The following NPIPB11 variants were observed in gnomAD, a reference collection of about 807,000 sequenced individuals.
NPIPB11 encodes nuclear pore complex interacting protein family member B11.
A neutral mutation model predicts 32.8 loss-of-function variants in NPIPB11; 17 were observed. That is an observed-to-expected ratio of 0.52 (90% confidence interval 0.35 to 0.78). The LOEUF (loss-of-function observed/expected upper bound fraction) is 0.78, where lower values mean the gene tolerates loss of function less well. Among genes scored for constraint, NPIPB11 ranks in the 30% least tolerant of loss-of-function variants. NPIPB11 has a pLI of 0.01. For missense variants in NPIPB11, 537 were observed against 1,000.4 expected (o/e 0.54, Z 6.25); for synonymous variants, 209 against 398.4 (o/e 0.52, Z 5.66).
intron 2 of NPIPB11, among the ~76,000 whole-genome samples, chr16:29,402,722 C>CTGTGTGTGTGTGTGTGTGTG (rs1245633106): frequency 8.8e-6 from 1 of 113,752 alleles, no homozygotes; most frequent in African/African-American, 3.4e-5. Context: ...CTCTCTCTCT[C>CTGTGTGTGTGTGTGTGTGTG]TCTGTGTGTG....
chr16:29,390,204 G>T (rs1164271136), intron 4 of NPIPB11, 45 bp downstream of exon 4: 1 of 1,577,854 alleles, frequency 6.3e-7, no homozygotes, highest in African/African-American at 1.4e-5. Flanking sequence ...TCCCTTTCCA[G>T]GGCAAACTCA....
At position 29,392,229 on chromosome 16, in the gene NPIPB11, A is replaced by G. The variant is rs151214994; in HGVS notation, c.249+1719T>C. 8.7e-4 allele frequency among the ~76,000 whole-genome samples: 133 copies of G among 152,276 alleles called. 1 individual carries two copies. The highest frequency in any genetic ancestry group is 6.8e-3 in the Middle Eastern group (2 of 294). The stretch of plus-strand genomic sequence containing the variant: ...TGGAGCTAGGAGAAATGTCAAACAC[A>G]TGAAGAAATGACAAGCAAGGAAATG... On this transcript the variant is annotated intron_variant, in intron 3 of 7. Coordinates refer to ENST00000524087, the Ensembl canonical transcript of NPIPB11.
rs781029221 is a variant in NPIPB11, at chr16:29,390,229, G to A, written c.349+20C>T. 50 of 1,586,864 alleles carry A rather than the reference G, an allele frequency of 3.2e-5. No homozygotes were observed. The highest frequency in any genetic ancestry group is 2.3e-4 in the Middle Eastern group (1 of 4,404). ...GGGCAAACTCATTTCCACACTATGC[G>A]GATTCCAACAGAGCCATACCTTCCT... On this transcript the variant is annotated intron_variant, in intron 4 of 7. Transcript: ENST00000524087.
Position 29,389,982 on chromosome 16 carries a change from A to G in NPIPB11, c.504T>C (p.Arg168=), listed in dbSNP as rs1233779586. The G allele has an allele frequency of 2.5e-6, 4 of 1,592,124 alleles. No homozygotes were observed. The South Asian group carries it at 4.4e-5, about 18-fold the overall frequency. Residue 168 remains arginine (R), a synonymous_variant, in exon 5 of 8, where the codon CGT becomes CGC. Coordinates refer to ENST00000524087, the Ensembl canonical transcript of NPIPB11. ...TCCTCTTTCCATTGATTTTGTCATG[A>G]CGGTTGATTTTCGTTGTCACCTTCC...
At chr16:29,397,593 T>A in intron 2 of NPIPB11, 1 of 1,512,516 alleles carries the variant, frequency 6.6e-7, no homozygotes, top group South Asian at 1.2e-5. Flanking sequence ...GCTGATAAAT[T>A]CCAGCAGGAG....
intron 5 of NPIPB11, among the ~76,000 whole-genome samples, chr16:29,389,392 G>A (rs1204118396): frequency 9.3e-6 from 1 of 106,958 alleles, no homozygotes; most frequent in Non-Finnish European, 1.9e-5. Flanking sequence ...AAAAAAAAAA[G>A]GCTGGCTGTG....
intron 3 of NPIPB11, among the ~76,000 whole-genome samples, chr16:29,392,302 AG>A (rs1963742296): frequency 6.6e-6 from 1 of 152,040 alleles, no homozygotes; most frequent in Admixed American, 6.6e-5. Flanking sequence ...CCTGCTTAGG[AG>A]GTAATGGTAT....
At chr16:29,393,705 G>T (rs748193157) in intron 3 of NPIPB11, among the ~76,000 whole-genome samples, 36 of 151,848 alleles carry the variant, frequency 2.4e-4, no homozygotes, top group South Asian at 4.2e-4. Context: ...TAGCACAAAG[G>T]TTAAAAAAAC....
chr16:29,402,724 CTG>C (rs71214272), intron 2 of NPIPB11, among the ~76,000 whole-genome samples: 1,969 of 119,490 alleles, frequency 0.016, 29 homozygotes, highest in Middle Eastern at 0.077. Flanking sequence ...CTCTCTCTCT[CTG>C]TGTGTGTGTG....
At chr16:29,402,486 C>T (rs1243676465) in intron 2 of NPIPB11, among the ~76,000 whole-genome samples, 3 of 96,570 alleles carry the variant, frequency 3.1e-5, no homozygotes, top group African/African-American at 1.7e-4. Context: ...GGGCAGATTA[C>T]GAGGTCAGGA....
intron 2 of NPIPB11, among the ~76,000 whole-genome samples, chr16:29,402,863 A>C (rs1040240582): frequency 2.3e-5 from 3 of 129,404 alleles, no homozygotes; most frequent in Non-Finnish European, 4.7e-5. Context: ...AATTATTACT[A>C]TTGGACTTTT....
chr16:29,401,129 C>G (rs1313217395), intron 2 of NPIPB11, among the ~76,000 whole-genome samples: 1 of 152,140 alleles, frequency 6.6e-6, no homozygotes, highest in African/African-American at 2.4e-5. Context: ...CACGGGGGCA[C>G]TGTCAGTGTG....
At chr16:29,397,150 G>A (rs1386020624) in intron 2 of NPIPB11, among the ~76,000 whole-genome samples, 1 of 137,316 alleles carries the variant, frequency 7.3e-6, no homozygotes, top group Non-Finnish European at 1.6e-5. Flanking sequence ...CAGCCTGGGC[G>A]ACAGAGTGAG....
chr16:29,394,119 T>A (rs544671289), intron 2 of NPIPB11, 43 bp from the exon 3 acceptor site: 5 of 1,584,288 alleles, frequency 3.2e-6, no homozygotes, highest in Non-Finnish European at 4.3e-6. Flanking sequence ...TCAATGACAC[T>A]GACAATATTT....
At chr16:29,397,734 C>A in intron 2 of NPIPB11, 1 of 272,994 alleles carries the variant, frequency 3.7e-6, no homozygotes, top group East Asian at 1.2e-4. Flanking sequence ...GGACCGGGCC[C>A]GGATCTGAGT....
At chr16:29,388,985 A>C (rs1301049405) in intron 5 of NPIPB11, among the ~76,000 whole-genome samples, 3 of 145,676 alleles carry the variant, frequency 2.1e-5, no homozygotes, top group East Asian at 2.0e-4. Flanking sequence ...TCATGATGTC[A>C]GGAGTTCTAG....
At chr16:29,394,012 T>C in exon 3 of NPIPB11, 4 of 1,599,508 alleles carry the variant, frequency 2.5e-6, no homozygotes, top group East Asian at 2.2e-5. Flanking sequence ...AATAATAATA[T>C]GTAACCAAGG....
chr16:29,393,212 G>A (rs1295492412), intron 3 of NPIPB11, among the ~76,000 whole-genome samples: 1 of 151,160 alleles, frequency 6.6e-6, no homozygotes, highest in African/African-American at 2.5e-5. Context: ...ACTTTTCATT[G>A]ATTCTCTTGG....
At position 29,394,053 on chromosome 16, in the gene NPIPB11, A is replaced by G. The variant is rs764842222; in HGVS notation, c.144T>C (p.His48=). The G allele has an allele frequency of 2.6e-5, 42 of 1,599,118 alleles. No homozygotes were observed. The African/African-American group carries it at 4.5e-4, about 17-fold the overall frequency. ...CACCAAAGTCAGTCCCACGATGATG[A>G]TGGTCAGCCAGAGTATTGATAACCT... is the stretch of plus-strand genomic sequence containing the variant. Residue 48 remains histidine (H), a synonymous_variant, in exon 3 of 8, where the codon CAT becomes CAC. Coordinates refer to ENST00000524087, the Ensembl canonical transcript of NPIPB11.
Sources: allele counts gnomAD v4.1 joint callset (sites outside exome capture counted in the v4.1 genomes callset), GRCh38; gene constraint gnomAD v4.1.1; transcripts MANE v1.5; gene names NCBI Gene and HGNC (gene_info 2026-07-23, HGNC 2026-07-21).